NLRP1: variants seen among roughly 807,000 people sequenced by gnomAD.
NLRP1 encodes NLR family pyrin domain containing 1.
A neutral mutation model predicts 136.7 loss-of-function variants in NLRP1; 94 were observed. That is an observed-to-expected ratio of 0.69 (90% confidence interval 0.58 to 0.82). The LOEUF (loss-of-function observed/expected upper bound fraction) is 0.82, where lower values mean the gene tolerates loss of function less well. Ranked by LOEUF, NLRP1 falls within the 40% of genes least tolerant of loss-of-function variation. The pLI is 0.00. For synonymous variants in NLRP1, 690 were observed against 725.1 expected, an observed-to-expected ratio of 0.95 and a Z score of 0.78; for missense variants, 1,575 against 1,802.7, an observed-to-expected ratio of 0.87 and a Z score of 2.29.
intron 5 of NLRP1, among the ~76,000 whole-genome samples, chr17:5,545,079 C>G (rs1256681263): frequency 6.6e-6 from 1 of 152,162 alleles, no homozygotes; most frequent in East Asian, 1.9e-4. Flanking sequence ...ACCTACTTTT[C>G]CCCTTTGTTT....
chr17:5,555,751 A>G (rs1039662294), intron 4 of NLRP1, among the ~76,000 whole-genome samples: 19 of 152,094 alleles, frequency 1.2e-4, no homozygotes, highest in African/African-American at 3.6e-4. Flanking sequence ...CACTTTCCCT[A>G]TGGAATAGCA....
downstream of NLRP1, among the ~76,000 whole-genome samples, chr17:5,513,135 TTTC>T (rs1907750090): frequency 6.6e-6 from 1 of 152,248 alleles, no homozygotes; most frequent in Admixed American, 6.5e-5. Context: ...TTAACCTTTT[TTTC>T]TTCTGTTCTC....
At chr17:5,572,587 G>A (rs928813021) in intron 3 of NLRP1, among the ~76,000 whole-genome samples, 50 of 151,934 alleles carry the variant, frequency 3.3e-4, no homozygotes, top group African/African-American at 1.2e-3. Context: ...GTGCACACCT[G>A]TAATCCCAGC....
At position 5,530,513 on chromosome 17, in the gene NLRP1, G is replaced by C; in HGVS notation, c.3488C>G (p.Ala1163Gly). Reference sequence around the variant, plus strand: ...AGCCACAAAGTGAGGGAGGTGCACAGCTTCCACAGCTCCAGGCTCAGCCTT... The same window carrying C: ...AGCCACAAAGTGAGGGAGGTGCACACCTTCCACAGCTCCAGGCTCAGCCTT... ...DIKAEPGAVE[A>G]VHLPHFVALQ... The change falls in exon 12 of 17, where the codon GCT becomes GGT. Residue 1163 changes from alanine (A) to glycine (G), a missense_variant. Ala to Gly is a moderately conservative substitution (Grantham distance 60, BLOSUM62 0). Coordinates refer to ENST00000572272, the MANE Select transcript of NLRP1 (RefSeq NM_033004.4). 6.2e-7 allele frequency: 1 copy of C among 1,614,158 alleles called. No individual in the cohort carries two copies. Among genetic ancestry groups the C allele is most frequent in the Non-Finnish European group, 8.5e-7 (1 of 1,180,024 alleles).
chr17:5,535,928 G>A (rs1417945947), intron 8 of NLRP1, among the ~76,000 whole-genome samples: 1 of 152,186 alleles, frequency 6.6e-6, no homozygotes, highest in Non-Finnish European at 1.5e-5. Context: ...TGGTGGTGGT[G>A]GTGAGGGTGG....
rs201125039 is a variant in NLRP1, at chr17:5,559,451, T to C, written c.1245A>G (p.Pro415=). The C allele has an allele frequency of 4.2e-5, 68 of 1,613,594 alleles. No homozygotes were observed. Among genetic ancestry groups the C allele is most frequent in the Non-Finnish European group, 5.1e-5 (60 of 1,179,884 alleles). ...LLFILDGVDE[P]GWVLQEPSSE... The stretch of plus-strand genomic sequence containing the variant: ...AACTCGGCTCCTGCAAGACCCATCC[T>C]GGCTCATCTACACCATCGAGGATGA... Residue 415 remains proline (P), a synonymous_variant, in exon 4 of 17, where the codon CCA becomes CCG. Transcript: ENST00000572272.
intron 7 of NLRP1, among the ~76,000 whole-genome samples, chr17:5,538,550 C>T (rs1028523752): frequency 2.0e-5 from 3 of 152,174 alleles, no homozygotes; most frequent in African/African-American, 7.2e-5. Flanking sequence ...TCATAATACC[C>T]TGTACTTTCC....
In NLRP1 at chr17:5,535,153, G is replaced by A. The variant is rs1357345712; in HGVS notation, c.2961-1165C>T. Among the ~76,000 whole-genome samples the A allele has an allele frequency of 4.6e-5, 7 of 152,234 alleles. No homozygotes were observed. In the East Asian group the frequency reaches 1.4e-3, roughly 29 times the overall value. On this transcript the variant is annotated intron_variant, in intron 8 of 16. Coordinates refer to ENST00000572272, the MANE Select transcript of NLRP1 (RefSeq NM_033004.4). Reference sequence around the variant, plus strand: ...AAGAATGGTTTGAACCTGGGAGGCAGAGGTTACAGTGAGCCGAGATCATGC... The same window carrying A: ...AAGAATGGTTTGAACCTGGGAGGCAAAGGTTACAGTGAGCCGAGATCATGC...
intron 4 of NLRP1, among the ~76,000 whole-genome samples, chr17:5,556,343 C>T (rs1168868725): frequency 1.3e-5 from 2 of 151,846 alleles, no homozygotes; most frequent in African/African-American, 4.8e-5. Flanking sequence ...AGTCTCAGCT[C>T]CTAGCGGGGC....
intron 5 of NLRP1, among the ~76,000 whole-genome samples, chr17:5,544,308 A>C (rs149496517): frequency 5.2e-4 from 79 of 152,306 alleles, no homozygotes; most frequent in African/African-American, 1.9e-3. Context: ...TGGCAGCATC[A>C]TGGCACATTT....
At chr17:5,517,512 TG>T (rs1023109582) in intron 15 of NLRP1, among the ~76,000 whole-genome samples, 63 of 152,230 alleles carry the variant, frequency 4.1e-4, no homozygotes, top group African/African-American at 1.5e-3. Context: ...CTCAGCCTCC[TG>T]AGTAGCTGGG....
chr17:5,514,921 C>T lies in NLRP1; in HGVS notation c.4255G>A (p.Glu1419Lys), dbSNP rs769506154. ...CGCATCTGGCTGGGCCTCGTGTTCT[C>T]AGCCAGCACCCTCTCGTACTGCTCC... ...SQEQYERVLAENTRPSQMRKL... is the reference protein window; with the variant it reads ...SQEQYERVLAKNTRPSQMRKL... Residue 1419 changes from glutamate to lysine, a missense_variant, in exon 17 of 17, where the codon GAG becomes AAG. Physicochemically the swap from Glu to Lys is moderately conservative, Grantham distance 56. Transcript: ENST00000572272. 16 of 1,614,216 alleles carry T rather than the reference C, an allele frequency of 9.9e-6. No homozygotes were observed. Among genetic ancestry groups the T allele is most frequent in the Non-Finnish European group, 1.4e-5 (16 of 1,180,038 alleles).
rs1036532724 is a variant in NLRP1, at chr17:5,558,262, C to A, written c.2357+77G>T. 21 of 1,488,948 alleles carry A rather than the reference C, an allele frequency of 1.4e-5. No homozygotes were observed. In the African/African-American group the frequency reaches 2.7e-4, roughly 19 times the overall value. The allele number at this position is 1,488,948 out of a possible 1,614,324, so 92.2% of individuals were successfully genotyped here. A position where few individuals can be genotyped will look rare whatever the true frequency, so the allele number is the denominator to read the frequency against. On this transcript the variant is annotated intron_variant, in intron 4 of 16. Coordinates refer to ENST00000572272, the MANE Select transcript of NLRP1 (RefSeq NM_033004.4). ...CCCACCCCCGGCCAGGCTCAGTGAG[C>A]ATGCCTCTGGTGCTCAGGTCACTCG...
chr17:5,533,126 T>C, intron 10 of NLRP1, 142 bp from the exon 11 acceptor site: 1 of 1,433,772 alleles, frequency 7.0e-7, no homozygotes, highest in Non-Finnish European at 9.3e-7. Context: ...CTGCTCCTGC[T>C]CCATGGCTGC....
Position 5,559,469 on chromosome 17 carries a change from G to A in NLRP1, c.1227C>T (p.Leu409=), listed in dbSNP as rs1006611848. ...CCCATCCTGGCTCATCTACACCATC[G>A]AGGATGAAGAGCAGCCGCTCTGGCC... The part of the protein sequence containing the change: ...LSRPERLLFI[L]DGVDEPGWVL... The change falls in exon 4 of 17, where the codon CTC becomes CTT. Residue 409 remains leucine, a synonymous_variant. Transcript: ENST00000572272. 8.7e-6 allele frequency: 14 copies of A among 1,614,050 alleles called. No individual in the cohort carries two copies. The highest frequency in any genetic ancestry group is 1.6e-4 in the Middle Eastern group (1 of 6,084).
chr17:5,539,616 A>G (rs1301654176), intron 6 of NLRP1, 31 bp from the exon 7 acceptor site: 4 of 1,572,662 alleles, frequency 2.5e-6, no homozygotes, highest in Non-Finnish European at 3.4e-6. Flanking sequence ...AGCCCAGGTC[A>G]TTGTCCTAAG....
chr17:5,559,181 C>T lies in NLRP1; in HGVS notation c.1515G>A (p.Arg505=), dbSNP rs770100113. 5.0e-6 allele frequency: 8 copies of T among 1,614,080 alleles called. No individual in the cohort carries two copies. The highest frequency in any genetic ancestry group is 6.8e-6 in the Non-Finnish European group (8 of 1,180,056). Residue 505 remains arginine, a synonymous_variant, in exon 4 of 17, where the codon AGG becomes AGA. Coordinates refer to ENST00000572272, the MANE Select transcript of NLRP1 (RefSeq NM_033004.4). ...TDERQAIRAF[R]LVKSNKELWA... ...AGAGCTCTTTGTTTGATTTGACCAACCTAAAGGCTCTAATTGCTTGCCTTT... is the reference window on the plus strand; with the variant it reads ...AGAGCTCTTTGTTTGATTTGACCAATCTAAAGGCTCTAATTGCTTGCCTTT...
intron 12 of NLRP1, among the ~76,000 whole-genome samples, chr17:5,526,486 C>G (rs1909569439): frequency 6.6e-6 from 1 of 152,124 alleles, no homozygotes; most frequent in Non-Finnish European, 1.5e-5. Context: ...ACTCAGGTGT[C>G]TGTGTGAAGT....
intron 8 of NLRP1, among the ~76,000 whole-genome samples, chr17:5,535,462 G>A (rs1315681589): frequency 1.3e-5 from 2 of 152,044 alleles, no homozygotes; most frequent in Non-Finnish European, 2.9e-5. Context: ...CCCTTCTTGG[G>A]CCCAGCCAAC....
Sources: gnomAD v4.1 joint callset for allele counts (sites outside exome capture counted in the v4.1 genomes callset) on GRCh38, gnomAD v4.1.1 for gene constraint, MANE v1.5 for transcripts, NCBI Gene and HGNC (gene_info 2026-07-23, HGNC 2026-07-21) for gene names.